Variants in SNX13 observed in about 807,000 individuals in gnomAD.
SNX13 encodes sorting nexin 13.
Under a neutral mutation model 133.6 loss-of-function variants are expected in SNX13, and 45 were observed. The observed-to-expected ratio is 0.34, with a 90% CI of 0.27 to 0.43. The LOEUF (loss-of-function observed/expected upper bound fraction) is 0.43, where lower values mean the gene tolerates loss of function less well. Ranked by LOEUF, SNX13 falls within the 20% of genes least tolerant of loss-of-function variation. The pLI, the probability that SNX13 is intolerant of heterozygous loss-of-function variation, is 1.00. For synonymous variants in SNX13, 414 were observed against 373.9 expected, an observed-to-expected ratio of 1.11 and a Z score of -1.24; for missense variants, 1,032 against 1,145.1, an observed-to-expected ratio of 0.90 and a Z score of 1.43.
intron 1 of SNX13, among the ~76,000 whole-genome samples, chr7:17,914,444 T>A (rs1374060605): frequency 6.6e-6 from 1 of 151,728 alleles, no homozygotes; most frequent in East Asian, 1.9e-4. Context: ...AATCAGACCA[T>A]CCAAAATAGA....
chr7:17,908,651 A>T (rs148239323), intron 1 of SNX13, among the ~76,000 whole-genome samples: 189 of 152,294 alleles, frequency 1.2e-3, no homozygotes, highest in African/African-American at 4.3e-3. Flanking sequence ...TCATTCATTC[A>T]CTAAACATTT....
At chr7:17,877,142 G>C (rs951079926) in intron 5 of SNX13, among the ~76,000 whole-genome samples, 3 of 148,246 alleles carry the variant, frequency 2.0e-5, no homozygotes, top group Non-Finnish European at 3.0e-5. Context: ...TTAACACTAA[G>C]GTTTGTTGTA....
intron 12 of SNX13, among the ~76,000 whole-genome samples, chr7:17,843,426 A>G (rs1448569131): frequency 1.3e-5 from 2 of 152,146 alleles, no homozygotes; most frequent in African/African-American, 4.8e-5. Flanking sequence ...TCACCAAAAT[A>G]TATGAAGCAA....
At chr7:17,862,252 G>C (rs1376514636) in intron 9 of SNX13, among the ~76,000 whole-genome samples, 1 of 152,114 alleles carries the variant, frequency 6.6e-6, no homozygotes, top group Non-Finnish European at 1.5e-5. Context: ...TTGGACCAGA[G>C]TTAATAATTA....
intron 9 of SNX13, among the ~76,000 whole-genome samples, chr7:17,860,956 G>A (rs1792599533): frequency 1.3e-5 from 2 of 152,088 alleles, no homozygotes; most frequent in East Asian, 1.9e-4. Flanking sequence ...AATTGCTCTG[G>A]GCAGTATGGC....
chr7:17,893,311 A>G lies in SNX13; in HGVS notation c.228+21T>C, dbSNP rs532892501. 2.7e-6 allele frequency: 4 copies of G among 1,494,482 alleles called. No individual in the cohort carries two copies. In the South Asian group the frequency reaches 4.9e-5, roughly 18 times the overall value. 92.6% of individuals were successfully genotyped at this position (1,494,482 alleles called of 1,614,324 possible). Reference sequence around the variant, plus strand: ...GCAAAGAACTGGACTTTGAGGTTTTATATTCCCTCAAACGATTTACCTTAG... The same window carrying G: ...GCAAAGAACTGGACTTTGAGGTTTTGTATTCCCTCAAACGATTTACCTTAG... On this transcript the variant is annotated intron_variant, in intron 3 of 25. Coordinates refer to ENST00000428135, the MANE Select transcript of SNX13 (RefSeq NM_015132.5).
chr7:17,838,688 C>T (rs1789463361), intron 13 of SNX13, among the ~76,000 whole-genome samples: 1 of 151,802 alleles, frequency 6.6e-6, no homozygotes, highest in East Asian at 1.9e-4. Flanking sequence ...TTTCTAGTTT[C>T]CTTGTCATTT....
chr7:17,828,544 G>A (rs1450822908), intron 16 of SNX13, among the ~76,000 whole-genome samples: 3 of 151,556 alleles, frequency 2.0e-5, no homozygotes, highest in African/African-American at 7.2e-5. Flanking sequence ...CCTTTGTTTA[G>A]TACATTGGAA....
intron 1 of SNX13, among the ~76,000 whole-genome samples, chr7:17,930,322 T>C (rs1251643955): frequency 2.0e-5 from 3 of 152,116 alleles, no homozygotes; most frequent in Non-Finnish European, 4.4e-5. Context: ...AAAACTTAGA[T>C]TCAAATCCAA....
At chr7:17,865,569 C>A (rs1793292449) in intron 9 of SNX13, among the ~76,000 whole-genome samples, 1 of 152,044 alleles carries the variant, frequency 6.6e-6, no homozygotes, top group Non-Finnish European at 1.5e-5. Context: ...AAGCAATCTG[C>A]AAATTCAAAG....
chr7:17,918,085 A>G (rs1799750246), intron 1 of SNX13, among the ~76,000 whole-genome samples: 2 of 152,316 alleles, frequency 1.3e-5, no homozygotes, highest in South Asian at 2.1e-4. Flanking sequence ...CAGTGCTGGG[A>G]AAACTGGTTA....
intron 2 of SNX13, among the ~76,000 whole-genome samples, chr7:17,896,469 GT>G (rs978835366): frequency 2.4e-4 from 37 of 152,090 alleles, no homozygotes; most frequent in African/African-American, 7.7e-4. Flanking sequence ...GTCCTATACA[GT>G]TTCTCAAGCT....
chr7:17,856,859 T>C (rs903011997), intron 9 of SNX13, among the ~76,000 whole-genome samples: 4 of 136,712 alleles, frequency 2.9e-5, no homozygotes, highest in South Asian at 2.5e-4. Flanking sequence ...CTCAAGGAAC[T>C]AGAAAAGCAA....
intron 17 of SNX13, 77 bp from the exon 18 acceptor site, chr7:17,821,725 AAG>A (rs765058428): frequency 6.7e-7 from 1 of 1,489,764 alleles, no homozygotes; most frequent in South Asian, 1.3e-5. Context: ...AGACACAAAA[AAG>A]GAGGAAGATG....
Position 17,814,850 on chromosome 7 carries a change from C to A in SNX13, c.2048G>T (p.Gly683Val). The change falls in exon 20 of 26, where the codon GGG (glycine) becomes GTG (valine). Residue 683 changes from glycine (G) to valine (V), a missense_variant. Physicochemically the swap from Gly to Val is moderately radical, Grantham distance 109. Transcript: ENST00000428135. ...CTTACTTACCTTGCGAGCAAAATCC[C>A]CTTTTCCTTTACTGTAGGCTTTGTT... ...LENKAYSKGKGDFARKMDTFV... is the reference protein window; with the variant it reads ...LENKAYSKGKVDFARKMDTFV... The A allele has an allele frequency of 6.5e-7, 1 of 1,543,922 alleles. No homozygotes were observed. Among genetic ancestry groups the A allele is most frequent in the Non-Finnish European group, 8.7e-7 (1 of 1,150,336 alleles).
intron 5 of SNX13, chr7:17,889,004 T>A: frequency 4.7e-6 from 1 of 213,790 alleles, no homozygotes; most frequent in Non-Finnish European, 9.5e-6. Context: ...GGCACAAGAA[T>A]AATGAATTCT....
chr7:17,885,989 G>A (rs1335431374), intron 5 of SNX13, among the ~76,000 whole-genome samples: 2 of 152,012 alleles, frequency 1.3e-5, no homozygotes, highest in Non-Finnish European at 2.9e-5. Flanking sequence ...ATATAGCAAA[G>A]AATATAAAAT....
intron 5 of SNX13, among the ~76,000 whole-genome samples, chr7:17,884,821 T>C (rs568022900): frequency 6.6e-6 from 1 of 152,314 alleles, no homozygotes; most frequent in Non-Finnish European, 1.5e-5. Flanking sequence ...GATAATGTAA[T>C]ACTACTTCAC....
intron 15 of SNX13, chr7:17,831,271 A>C (rs779994937): frequency 2.3e-4 from 225 of 979,340 alleles, no homozygotes; most frequent in Non-Finnish European, 2.7e-4. Flanking sequence ...AAAACAAAAG[A>C]AAGCACTGTT....
Sources: gnomAD v4.1 joint callset for allele counts (sites outside exome capture counted in the v4.1 genomes callset) on GRCh38, gnomAD v4.1.1 for gene constraint, MANE v1.5 for transcripts, NCBI Gene and HGNC (gene_info 2026-07-23, HGNC 2026-07-21) for gene names.